Variants in TDRD9 observed in about 807,000 individuals in gnomAD.
The protein encoded by TDRD9 is ATP-dependent RNA helicase TDRD9.
A neutral mutation model predicts 172.6 loss-of-function variants in TDRD9; 124 were observed. The ratio of observed to expected loss-of-function variants is 0.72; its 90% CI spans 0.62 to 0.83. The LOEUF is 0.83. Ranked by LOEUF, TDRD9 falls within the 40% of genes least tolerant of loss-of-function variation. The pLI is 0.00. For synonymous variants in TDRD9, 619 were observed against 617.1 expected, an observed-to-expected ratio of 1.00 and a Z score of -0.05; for missense variants, 1,479 against 1,714.1, an observed-to-expected ratio of 0.86 and a Z score of 2.42.
At chr14:103,966,429 A>G (rs552042478) in intron 4 of TDRD9, among the ~76,000 whole-genome samples, 1 of 152,342 alleles carries the variant, frequency 6.6e-6, no homozygotes, top group Non-Finnish European at 1.5e-5. Flanking sequence ...TTATAATTTT[A>G]TCTTTTTAAT....
At chr14:103,977,966 T>C (rs1293845462) in intron 7 of TDRD9, among the ~76,000 whole-genome samples, 2 of 152,198 alleles carry the variant, frequency 1.3e-5, no homozygotes, top group African/African-American at 4.8e-5. Context: ...TTCTTAAAAA[T>C]CAGTTGGCTG....
chr14:103,966,662 C>CTTTTTTTTTTTTTTTTTTTTTT, intron 4 of TDRD9, 47 bp from the exon 5 acceptor site: 1 of 1,448,828 alleles, frequency 6.9e-7, no homozygotes, highest in East Asian at 2.5e-5. Context: ...ATGGACATAA[C>CTTTTTTTTTTTTTTTTTTTTTT]TTTTTTTTTC....
intron 1 of TDRD9, among the ~76,000 whole-genome samples, chr14:103,943,551 G>A (rs546166523): frequency 2.8e-4 from 39 of 138,052 alleles, no homozygotes; most frequent in South Asian, 6.8e-4. Context: ...AGGTCTCCCT[G>A]TGTTGCCCAG....
At chr14:103,988,694 CTTT>C (rs34511631) in intron 8 of TDRD9, among the ~76,000 whole-genome samples, 29 of 126,822 alleles carry the variant, frequency 2.3e-4, no homozygotes, top group Non-Finnish European at 3.0e-4. Context: ...TAGCATTTTA[CTTT>C]TTTTTTTTTT....
intron 23 of TDRD9, among the ~76,000 whole-genome samples, chr14:104,018,917 T>G (rs570558049): frequency 6.6e-6 from 1 of 152,346 alleles, no homozygotes; most frequent in African/African-American, 2.4e-5. Flanking sequence ...GGTAATTCCC[T>G]CCGGCATTTT....
rs1463729944 is a variant in TDRD9 at position 103,980,384 on chromosome 14, C to T, written c.1011+4831C>T. On this transcript the variant is annotated intron_variant, in intron 7 of 35. Coordinates refer to ENST00000409874, the MANE Select transcript of TDRD9 (RefSeq NM_153046.3). This position sits in a 1 kb window ranked among gnomAD's most constrained non-coding sequence, Gnocchi z 4.5. ...TCACGTGTCGACTGGACAGGGGGCC[C>T]TTCCCTGCCTGGCAGCCAAGGCAGA... Among the ~76,000 whole-genome samples the T allele has an allele frequency of 2.0e-5, 3 of 152,128 alleles. No individual in the cohort carries two copies. The highest frequency in any genetic ancestry group is 4.4e-5 in the Non-Finnish European group (3 of 68,028).
intron 1 of TDRD9, chr14:103,941,574 C>T (rs983419285): frequency 1.2e-5 from 19 of 1,535,104 alleles, no homozygotes; most frequent in Admixed American, 7.9e-5. Flanking sequence ...TAATCTCTCT[C>T]GCTCCTTTAG....
chr14:104,002,000 C>T (rs1421760486), intron 13 of TDRD9, among the ~76,000 whole-genome samples: 3 of 151,564 alleles, frequency 2.0e-5, no homozygotes, highest in African/African-American at 7.3e-5. Flanking sequence ...CTGTTTTTTC[C>T]GTATCTTTGC....
At chr14:103,998,808 T>C in intron 13 of TDRD9, 80 bp downstream of exon 13, 1 of 734,464 alleles carries the variant, frequency 1.4e-6, no homozygotes, top group African/African-American at 1.8e-5. Context: ...TTTTTTTTTC[T>C]CTGAGACGGA....
intron 30 of TDRD9, among the ~76,000 whole-genome samples, chr14:104,032,924 A>T (rs1394198796): frequency 6.6e-6 from 1 of 152,196 alleles, no homozygotes; most frequent in South Asian, 2.1e-4. Context: ...GCGGATACAG[A>T]GGCGTCAGCC....
intron 2 of TDRD9, among the ~76,000 whole-genome samples, chr14:103,961,871 A>G (rs938469535): frequency 2.0e-5 from 3 of 152,204 alleles, no homozygotes; most frequent in Non-Finnish European, 4.4e-5. Flanking sequence ...TGTGTGTTTT[A>G]TTAGGAAAGG....
At chr14:103,963,291 A>G in intron 3 of TDRD9, 115 bp downstream of exon 3, 1 of 715,504 alleles carries the variant, frequency 1.4e-6, no homozygotes, top group Non-Finnish European at 2.2e-6. Context: ...TCTGTGGTGT[A>G]CAAGGTTCTG....
chr14:103,975,583 G>A lies in TDRD9; in HGVS notation c.1011+30G>A, dbSNP rs759852405. 1.9e-6 allele frequency: 3 copies of A among 1,568,144 alleles called. No homozygotes were observed. In the South Asian group the frequency reaches 3.5e-5, roughly 18 times the overall value. ...GTTAGAATGTGCTGTTTCTTTTATA[G>A]TGAGCGTACTCTTGTATTGGATCAA... On this transcript the variant is annotated intron_variant, in intron 7 of 35. Coordinates refer to ENST00000409874, the MANE Select transcript of TDRD9 (RefSeq NM_153046.3).
At position 104,024,656 on chromosome 14, in the gene TDRD9, C is replaced by T. The variant is rs544648720; in HGVS notation, c.2694C>T (p.Leu898=). 4.4e-6 allele frequency: 7 copies of T among 1,607,236 alleles called. No individual in the cohort carries two copies. The Admixed American group carries it at 6.7e-5, about 15-fold the overall frequency. ...TSDRSQTVTD[L]LLTIDVTEVV... ...ACAGGTCCCAGACAGTTACAGATCT[C>T]CTTCTAACTATTGATGTCACAGAGG... is the stretch of plus-strand genomic sequence containing the variant. The change falls in exon 25 of 36, where the codon CTC becomes CTT. Residue 898 remains leucine, a synonymous_variant. Transcript: ENST00000409874.
intron 30 of TDRD9, 103 bp downstream of exon 30, chr14:104,032,190 GTTATC>G (rs1452272325): frequency 9.5e-5 from 66 of 694,950 alleles, no homozygotes; most frequent in Middle Eastern, 4.0e-4. Flanking sequence ...GTTGGAATGT[GTTATC>G]TTTTCTTTTC....
Position 104,034,425 on chromosome 14 carries a change from C to T in TDRD9, c.3619+356C>T, listed in dbSNP as rs572761876. Among the ~76,000 whole-genome samples the T allele has an allele frequency of 4.6e-4, 70 of 152,196 alleles. No homozygotes were observed. In the South Asian group the frequency reaches 8.3e-3, roughly 18 times the overall value. On this transcript the variant is annotated intron_variant, in intron 31 of 35. Transcript: ENST00000409874. ...CAGGATAGTCTTGATCTCCTGACCT[C>T]GTGATCCACCCGCCTTGGCCTCCCA...
chr14:104,019,678 T>G (rs1251975357), intron 23 of TDRD9, among the ~76,000 whole-genome samples: 1 of 152,192 alleles, frequency 6.6e-6, no homozygotes, highest in Admixed American at 6.5e-5. Context: ...AGGGGTGACT[T>G]CATGTAGACT....
intron 23 of TDRD9, among the ~76,000 whole-genome samples, chr14:104,018,507 T>C (rs7149954): frequency 0.98 from 149,111 of 152,344 alleles, 73,058 homozygotes; most frequent in East Asian, 1. Flanking sequence ...CGCACTGGTC[T>C]GAGATTTTCT....
At position 104,052,142 on chromosome 14, in the gene TDRD9, G is replaced by A. The variant is rs547573952; in HGVS notation, c.*60G>A. ...GGAAGCTGTGGAGGCTGGATTCCAG[G>A]CTCCCTCCGCAGACTGACTTTCCTC... On this transcript the variant is annotated 3_prime_UTR_variant, in exon 36 of 36. Transcript: ENST00000409874. 5.9e-4 allele frequency: 705 copies of A among 1,204,528 alleles called. 4 individuals carry two copies. Among genetic ancestry groups the A allele is most frequent in the Non-Finnish European group, 7.4e-5 (62 of 837,472 alleles). The allele number at this position is 1,204,528 out of a possible 1,614,324, so 74.6% of individuals were successfully genotyped here.
Sources: allele counts gnomAD v4.1 joint callset (sites outside exome capture counted in the v4.1 genomes callset), GRCh38; gene constraint gnomAD v4.1.1; non-coding constraint Gnocchi (gnomAD v3.1); transcripts MANE v1.5; gene names NCBI Gene and HGNC (gene_info 2026-07-23, HGNC 2026-07-21).